The following RNF152 variants were observed in gnomAD, a reference collection of about 807,000 sequenced individuals.
RNF152 encodes the protein E3 ubiquitin-protein ligase RNF152.
Under a neutral mutation model 12.7 loss-of-function variants are expected in RNF152, and 11 were observed. That is an observed-to-expected ratio of 0.86 (90% CI 0.54 to 1.43). RNF152 has a LOEUF of 1.43. RNF152 is among the 40% of genes most tolerant of loss of function. RNF152 has a pLI of 0.00. For synonymous variants in RNF152, 113 were observed against 120.3 expected (o/e 0.94, Z 0.40); for missense variants, 255 against 274.8 (o/e 0.93, Z 0.51).
chr18:61,830,815 A>C (rs915567556), intron 1 of RNF152, among the ~76,000 whole-genome samples: 2 of 152,130 alleles, frequency 1.3e-5, no homozygotes, highest in Non-Finnish European at 2.9e-5. Flanking sequence ...GGATGGAGGA[A>C]GCATTTTTGA....
chr18:61,872,956 C>A (rs893080412), intron 1 of RNF152, among the ~76,000 whole-genome samples: 2 of 152,156 alleles, frequency 1.3e-5, no homozygotes, highest in African/African-American at 4.8e-5. Context: ...CTGATAATAG[C>A]TTCCTTTGGT....
At chr18:61,830,763 A>AAGG (rs76000113) in intron 1 of RNF152, among the ~76,000 whole-genome samples, 47,130 of 151,804 alleles carry the variant, frequency 0.31, 7,473 homozygotes, top group Non-Finnish European at 0.35. Context: ...GCTGAGAGTG[A>AAGG]AGGAGTATAG....
intron 1 of RNF152, among the ~76,000 whole-genome samples, chr18:61,833,247 A>T (rs1910030895): frequency 6.6e-6 from 1 of 152,250 alleles, no homozygotes; most frequent in South Asian, 2.1e-4. Flanking sequence ...AGGTCGCAAG[A>T]ATCAGATTAA....
intron 1 of RNF152, chr18:61,888,554 T>C (rs1433420249): frequency 6.6e-6 from 1 of 152,238 alleles, no homozygotes; most frequent in East Asian, 1.9e-4. Flanking sequence ...TTACATGATT[T>C]TGCCCCCATT....
At chr18:61,829,536 G>A (rs1361283257) in intron 1 of RNF152, among the ~76,000 whole-genome samples, 1 of 151,368 alleles carries the variant, frequency 6.6e-6, no homozygotes, top group Non-Finnish European at 1.5e-5. Context: ...GAGAGAGAGA[G>A]AGAGAGATAC....
intron 1 of RNF152, among the ~76,000 whole-genome samples, chr18:61,859,114 A>G (rs771062676): frequency 2.6e-5 from 4 of 152,158 alleles, no homozygotes; most frequent in African/African-American, 4.8e-5. Context: ...AGTCATCACC[A>G]CCATTCAGAT....
chr18:61,827,727 A>C (rs1909737207), intron 1 of RNF152, among the ~76,000 whole-genome samples: 2 of 152,210 alleles, frequency 1.3e-5, no homozygotes, highest in African/African-American at 2.4e-5. Flanking sequence ...TAAGCCTTAC[A>C]CTGAAGTTGC....
intron 1 of RNF152, among the ~76,000 whole-genome samples, chr18:61,881,857 A>G (rs188078020): frequency 6.6e-5 from 10 of 152,370 alleles, no homozygotes; most frequent in Admixed American, 5.9e-4. Context: ...CTCAGAGAAG[A>G]CATTTTTCCT....
At chr18:61,831,837 G>GA (rs1156273680) in intron 1 of RNF152, among the ~76,000 whole-genome samples, 5 of 151,832 alleles carry the variant, frequency 3.3e-5, no homozygotes, top group African/African-American at 1.2e-4. Flanking sequence ...TCATCAATAA[G>GA]AAACAATTTA....
In RNF152 at chr18:61,813,173, A is replaced by G. The variant is rs1250998967; in HGVS notation, c.*2679T>C. 1.3e-5 allele frequency: 2 copies of G among 152,062 alleles called. No individual in the cohort carries two copies. The highest frequency in any genetic ancestry group is 2.9e-5 in the Non-Finnish European group (2 of 68,022). 9.4% of individuals were successfully genotyped at this position (152,062 alleles called of 1,614,324 possible). A position where few individuals can be genotyped will look rare whatever the true frequency, so the allele number is the denominator to read the frequency against. On this transcript the variant is annotated 3_prime_UTR_variant, in exon 2 of 2. Transcript: ENST00000312828. ...TGTGTTTGTTAAGGGTCATTGGTAA[A>G]TGCCAGAAGAGGCCAGAGCAATGGG...
chr18:61,831,321 C>T (rs186300981), intron 1 of RNF152, among the ~76,000 whole-genome samples: 145 of 152,284 alleles, frequency 9.5e-4, no homozygotes, highest in Non-Finnish European at 1.7e-3. Flanking sequence ...GGGAAATGCT[C>T]GGATTCATCA....
intron 1 of RNF152, among the ~76,000 whole-genome samples, chr18:61,826,135 A>G (rs181357766): frequency 2.4e-4 from 37 of 152,312 alleles, no homozygotes; most frequent in Middle Eastern, 6.8e-3. Flanking sequence ...GAAACCCCAG[A>G]GTTGGTATAA....
chr18:61,816,997 A>G (rs554516714), intron 1 of RNF152, among the ~76,000 whole-genome samples: 1 of 152,310 alleles, frequency 6.6e-6, no homozygotes, highest in South Asian at 2.1e-4. Context: ...TTCTCTCCTT[A>G]GATCCTCTGA....
At chr18:61,837,289 C>CCACA (rs1910231576) in intron 1 of RNF152, among the ~76,000 whole-genome samples, 1 of 152,090 alleles carries the variant, frequency 6.6e-6, no homozygotes, top group Non-Finnish European at 1.5e-5. Context: ...AATTCATGAA[C>CCACA]CACAATGAGA....
Position 61,808,588 on chromosome 18 carries a change from C to T in RNF152, c.*7264G>A, listed in dbSNP as rs1215025783. ...GGAACCCTGGATTGCAGCTACATGG[C>T]TTATGTAGGGAGTTTGTAACAGCCC... On this transcript the variant is annotated 3_prime_UTR_variant, in exon 2 of 2. Transcript: ENST00000312828. 1 of 152,044 alleles carries T rather than the reference C, an allele frequency of 6.6e-6. No individual in the cohort carries two copies. The highest frequency in any genetic ancestry group is 1.9e-4 in the East Asian group (1 of 5,194). 9.4% of individuals were successfully genotyped at this position (152,044 alleles called of 1,614,324 possible).
chr18:61,879,332 A>T (rs186286450), intron 1 of RNF152, among the ~76,000 whole-genome samples: 1 of 152,296 alleles, frequency 6.6e-6, no homozygotes, highest in East Asian at 1.9e-4. Context: ...TAAGTAATCT[A>T]GTGACGATTT....
intron 1 of RNF152, among the ~76,000 whole-genome samples, chr18:61,836,766 G>T (rs1431706573): frequency 2.6e-5 from 4 of 152,062 alleles, no homozygotes; most frequent in Non-Finnish European, 4.4e-5. Context: ...CACTCAAAGG[G>T]GGAAACATAC....
At chr18:61,829,947 C>T (rs1355968151) in intron 1 of RNF152, among the ~76,000 whole-genome samples, 1 of 151,776 alleles carries the variant, frequency 6.6e-6, no homozygotes, top group Non-Finnish European at 1.5e-5. Flanking sequence ...CTATTTTAGC[C>T]ATTTGAAAGT....
chr18:61,889,836 A>C (rs1367640508), intron 1 of RNF152, among the ~76,000 whole-genome samples: 1 of 152,166 alleles, frequency 6.6e-6, no homozygotes, highest in East Asian at 1.9e-4. Context: ...AAACAAACTC[A>C]GGAAGCCTTA....
Sources: allele counts gnomAD v4.1 joint callset (sites outside exome capture counted in the v4.1 genomes callset), GRCh38; gene constraint gnomAD v4.1.1; transcripts MANE v1.5; gene names NCBI Gene and HGNC (gene_info 2026-07-23, HGNC 2026-07-21).